Variants in C14orf132 observed in about 807,000 individuals in gnomAD.
The protein encoded by C14orf132 is uncharacterized protein C14orf132.
Under a neutral mutation model 5.8 loss-of-function variants are expected in C14orf132, and 6 were observed. The observed-to-expected ratio is 1.03, with a 90% confidence interval of 0.57 to 2.04. The LOEUF is 2.04. Ranked by LOEUF, C14orf132 falls within the 30% of genes most tolerant of loss-of-function variation. The pLI, the probability that C14orf132 is intolerant of heterozygous loss-of-function variation, is 0.00. For synonymous variants in C14orf132, 51 were observed against 49.8 expected (o/e 1.02, Z -0.10); for missense variants, 125 against 115.8 (o/e 1.08, Z -0.37).
intron 1 of C14orf132, among the ~76,000 whole-genome samples, chr14:96,061,883 T>C (rs1887368224): frequency 6.6e-6 from 1 of 152,136 alleles, no homozygotes; most frequent in Non-Finnish European, 1.5e-5. Context: ...GCATTCAGCC[T>C]GGGTGGCAGA....
Position 96,085,851 on chromosome 14 carries a change from T to C in C14orf132, c.28-660T>C, listed in dbSNP as rs184692887. Among the ~76,000 whole-genome samples, 54 of 152,344 alleles carry C rather than the reference T, an allele frequency of 3.5e-4. No individual in the cohort carries two copies. In the East Asian group the frequency reaches 9.5e-3, roughly 27 times the overall value. On this transcript the variant is annotated intron_variant, in intron 1 of 1. Coordinates refer to ENST00000555004, the MANE Select transcript of C14orf132 (RefSeq NM_001252507.3). ...AGGGGAGTGGTTAAACTGTGGCTTA[T>C]GTTCATGATAGAATAATACACAATT...
In C14orf132 at chr14:96,086,548, A is replaced by T; in HGVS notation, c.65A>T (p.Asn22Ile). The stretch of plus-strand genomic sequence containing the variant: ...GGGGGAGCTTTCATGGACTCGCCCA[A>T]CGAGGACTTCAGCACCGAGTACTCC... Reference protein sequence around the residue: ...MMGGAFMDSPNEDFSTEYSLF... With the variant: ...MMGGAFMDSPIEDFSTEYSLF... The change falls in exon 2 of 2, where the codon AAC becomes ATC. Residue 22 changes from asparagine (N) to isoleucine (I), a missense_variant. Asn to Ile is a moderately radical substitution (Grantham distance 149). Transcript: ENST00000555004. 3 of 1,536,056 alleles carry T rather than the reference A, an allele frequency of 2.0e-6. No homozygotes were observed. Among genetic ancestry groups the T allele is most frequent in the Non-Finnish European group, 2.6e-6 (3 of 1,146,882 alleles).
rs2139687970 is a variant in C14orf132, at chr14:96,088,261, C to T, written c.*1526C>T. ...AGTTGTCCAGAAGCGGCACTCTTCC[C>T]TGGAAGCCGCCATGTTAATAGGATT... On this transcript the variant is annotated 3_prime_UTR_variant, in exon 2 of 2. Coordinates refer to ENST00000555004, the MANE Select transcript of C14orf132 (RefSeq NM_001252507.3). 6.6e-6 allele frequency: 1 copy of T among 152,276 alleles called. No homozygotes were observed. Among genetic ancestry groups the T allele is most frequent in the East Asian group, 1.9e-4 (1 of 5,170 alleles). 9.4% of individuals were successfully genotyped at this position (152,276 alleles called of 1,614,324 possible).
At position 96,039,858 on chromosome 14, in the gene C14orf132, G is replaced by A. The variant is rs1886638642; in HGVS notation, c.27+331G>A. Among the ~76,000 whole-genome samples, 1 of 152,114 alleles carries A rather than the reference G, an allele frequency of 6.6e-6. No individual in the cohort carries two copies. The highest frequency in any genetic ancestry group is 1.5e-5 in the Non-Finnish European group (1 of 67,982). On this transcript the variant is annotated intron_variant, in intron 1 of 1. Coordinates refer to ENST00000555004, the MANE Select transcript of C14orf132 (RefSeq NM_001252507.3). This position sits in a 1 kb window ranked among gnomAD's most constrained non-coding sequence, Gnocchi z 5.3. ...CCCCCACTGCTGTCCCCCTTCTGGGGTCCCGGAGCCCTCCAAGGCCGGGCC... is the reference window on the plus strand; with the variant it reads ...CCCCCACTGCTGTCCCCCTTCTGGGATCCCGGAGCCCTCCAAGGCCGGGCC...
chr14:96,050,398 G>T (rs74453268), intron 1 of C14orf132, among the ~76,000 whole-genome samples: 286 of 152,262 alleles, frequency 1.9e-3, no homozygotes, highest in Non-Finnish European at 3.5e-3. Context: ...TCTCATAAAT[G>T]ATGAGATTTT....
intron 1 of C14orf132, among the ~76,000 whole-genome samples, chr14:96,060,388 C>T (rs913758438): frequency 3.9e-5 from 6 of 152,222 alleles, no homozygotes; most frequent in Non-Finnish European, 8.8e-5. Context: ...AATGGAATGA[C>T]AGCTGTTCTA....
chr14:96,081,728 A>G (rs1276151586), intron 1 of C14orf132, among the ~76,000 whole-genome samples: 4 of 152,050 alleles, frequency 2.6e-5, no homozygotes, highest in Non-Finnish European at 4.4e-5. Context: ...CCTCCCTAGT[A>G]GCTGGGACCA....
At chr14:96,069,352 G>T (rs1367174700) in intron 1 of C14orf132, among the ~76,000 whole-genome samples, 6 of 145,080 alleles carry the variant, frequency 4.1e-5, no homozygotes, top group African/African-American at 1.5e-4. Flanking sequence ...ACACAGATTT[G>T]GTAGAGACTA....
intron 1 of C14orf132, among the ~76,000 whole-genome samples, chr14:96,054,296 G>A (rs999376267): frequency 6.6e-6 from 1 of 152,220 alleles, no homozygotes; most frequent in African/African-American, 2.4e-5. Flanking sequence ...CCACTGCGCT[G>A]CCGGGGAAAT....
intron 1 of C14orf132, among the ~76,000 whole-genome samples, chr14:96,057,886 C>T (rs1887227029): frequency 6.6e-6 from 1 of 152,156 alleles, no homozygotes. Flanking sequence ...TCTCTTGGTT[C>T]CTGTCGCGGA....
At chr14:96,058,125 C>A (rs1331343338) in intron 1 of C14orf132, among the ~76,000 whole-genome samples, 2 of 152,070 alleles carry the variant, frequency 1.3e-5, no homozygotes, top group Non-Finnish European at 2.9e-5. Flanking sequence ...AGCCACCTGG[C>A]TCCCACGTGC....
chr14:96,047,085 T>A (rs1449931264), intron 1 of C14orf132, among the ~76,000 whole-genome samples: 2 of 152,226 alleles, frequency 1.3e-5, no homozygotes, highest in African/African-American at 4.8e-5. Flanking sequence ...AGAATTATCA[T>A]TAAAATACAA....
rs1312541369 is a variant in C14orf132, at chr14:96,090,675, A to C, written c.*3940A>C. The C allele has an allele frequency of 8.8e-6, 4 of 456,062 alleles. No homozygotes were observed. Among genetic ancestry groups the C allele is most frequent in the South Asian group, 6.2e-5 (4 of 64,560 alleles). 28.3% of individuals were successfully genotyped at this position (456,062 alleles called of 1,614,324 possible). A position where few individuals can be genotyped will look rare whatever the true frequency, so the allele number is the denominator to read the frequency against. On this transcript the variant is annotated 3_prime_UTR_variant, in exon 2 of 2. Transcript: ENST00000555004. ...GAGAGAAATGATTCTCGCTCCTTTC[A>C]GATCCCCCAGGATCTGAGGGAGAAA...
intron 1 of C14orf132, among the ~76,000 whole-genome samples, chr14:96,065,616 G>GT (rs11381674): frequency 0.25 from 38,114 of 149,636 alleles, 5,372 homozygotes; most frequent in African/African-American, 0.37. Flanking sequence ...GGATTACATA[G>GT]TTTTTTTCTT....
At chr14:96,085,742 T>C (rs947813197) in intron 1 of C14orf132, among the ~76,000 whole-genome samples, 1 of 152,226 alleles carries the variant, frequency 6.6e-6, no homozygotes, top group Non-Finnish European at 1.5e-5. Context: ...CCATGATGCA[T>C]GTACATGCTA....
chr14:96,050,622 G>C (rs1886999147), intron 1 of C14orf132, among the ~76,000 whole-genome samples: 1 of 151,870 alleles, frequency 6.6e-6, no homozygotes, highest in African/African-American at 2.4e-5. Context: ...TCTGCCATGT[G>C]GTCTCCAGCT....
At chr14:96,050,347 C>A (rs558591640) in intron 1 of C14orf132, among the ~76,000 whole-genome samples, 73 of 152,294 alleles carry the variant, frequency 4.8e-4, no homozygotes, top group African/African-American at 1.6e-3. Flanking sequence ...TATTCCCCAT[C>A]ACAAAGGCAA....
intron 1 of C14orf132, among the ~76,000 whole-genome samples, chr14:96,041,494 CTCTCT>C (rs1886693260): frequency 6.6e-6 from 1 of 152,200 alleles, no homozygotes; most frequent in Non-Finnish European, 1.5e-5. Flanking sequence ...AGAATGATTT[CTCTCT>C]TCTCTTCCCT....
chr14:96,082,263 C>T (rs1888051985), intron 1 of C14orf132, among the ~76,000 whole-genome samples: 1 of 152,298 alleles, frequency 6.6e-6, no homozygotes, highest in Admixed American at 6.5e-5. Context: ...TTAAAAGTGG[C>T]TAAAAGTAGA....
Sources: gnomAD v4.1 joint callset for allele counts (sites outside exome capture counted in the v4.1 genomes callset) on GRCh38, gnomAD v4.1.1 for gene constraint, Gnocchi (gnomAD v3.1) non-coding constraint, MANE v1.5 for transcripts, NCBI Gene and HGNC (gene_info 2026-07-23, HGNC 2026-07-21) for gene names.